Variants in PEX5L observed in about 807,000 individuals in gnomAD.
The protein encoded by PEX5L is PEX5-related protein.
A neutral mutation model predicts 84.0 loss-of-function variants in PEX5L; 30 were observed. The observed-to-expected ratio is 0.36, with a 90% CI of 0.27 to 0.48. The LOEUF (loss-of-function observed/expected upper bound fraction) is 0.48, where lower values mean the gene tolerates loss of function less well. PEX5L is among the 20% of genes least tolerant of loss of function. The probability of loss-of-function intolerance (pLI) is 0.99; values close to 1 mark genes in which losing one functional copy is unlikely to be tolerated. For missense variants in PEX5L, 533 were observed against 754.6 expected (o/e 0.71, Z 3.44); for synonymous variants, 270 against 283.1 (o/e 0.95, Z 0.46).
rs535491711 is a variant in PEX5L at position 179,873,799 on chromosome 3, G to A, written c.726+528C>T. ...ATAACACTTAAAAAACATACGTGAA[G>A]TCCCTGATACTTAGTAGCACTCATA... On this transcript the variant is annotated intron_variant, in intron 7 of 14. Coordinates refer to ENST00000467460, the MANE Select transcript of PEX5L (RefSeq NM_016559.3). 6.6e-5 allele frequency among the ~76,000 whole-genome samples: 10 copies of A among 152,204 alleles called. No individual in the cohort carries two copies. The East Asian group carries it at 1.9e-3, about 29-fold the overall frequency.
chr3:180,024,545 A>C (rs372530464), intron 1 of PEX5L, among the ~76,000 whole-genome samples: 2 of 58,810 alleles, frequency 3.4e-5, no homozygotes, highest in Non-Finnish European at 6.0e-5. Flanking sequence ...ACTCCGTTTC[A>C]AAAAAAAAAA....
At chr3:179,900,839 A>G in intron 2 of PEX5L, 3 of 716,498 alleles carry the variant, frequency 4.2e-6, no homozygotes, top group Admixed American at 4.3e-5. Context: ...TCACTGTTTT[A>G]CAAGTGCGGT....
chr3:179,959,314 G>T (rs894211093), intron 2 of PEX5L, among the ~76,000 whole-genome samples: 1 of 152,146 alleles, frequency 6.6e-6, no homozygotes, highest in Non-Finnish European at 1.5e-5. Context: ...AGGAAATAAC[G>T]CACATCTTAG....
chr3:179,818,030 C>G (rs1726830682), intron 9 of PEX5L, among the ~76,000 whole-genome samples: 1 of 152,130 alleles, frequency 6.6e-6, no homozygotes, highest in Admixed American at 6.5e-5. Context: ...CATTGAGGGA[C>G]AGAGTATTTG....
At chr3:179,934,724 T>C (rs780994883) in intron 2 of PEX5L, among the ~76,000 whole-genome samples, 1 of 152,198 alleles carries the variant, frequency 6.6e-6, no homozygotes, top group Admixed American at 6.5e-5. Context: ...TTTATTACTC[T>C]CCTTGTTTGG....
At chr3:179,971,918 T>C (rs1784862203) in intron 1 of PEX5L, among the ~76,000 whole-genome samples, 1 of 152,180 alleles carries the variant, frequency 6.6e-6, no homozygotes, top group Admixed American at 6.5e-5. Context: ...AATATTCTTA[T>C]GCTTCTCTTT....
In PEX5L at chr3:179,977,893, A is replaced by T. The variant is rs909643917; in HGVS notation, c.22-6228T>A. On this transcript the variant is annotated intron_variant, in intron 1 of 14. Coordinates refer to ENST00000467460, the MANE Select transcript of PEX5L (RefSeq NM_016559.3). The stretch of plus-strand genomic sequence containing the variant: ...TTTTCCCCCCTCTCTAACTGTGATC[A>T]TGCTACGGTAAAAGAGAGTGGCCAC... Among the ~76,000 whole-genome samples the T allele has an allele frequency of 4.6e-5, 7 of 152,178 alleles. No homozygotes were observed. The East Asian group carries it at 1.3e-3, about 29-fold the overall frequency.
chr3:179,805,636 C>T (rs1478531302), intron 14 of PEX5L, among the ~76,000 whole-genome samples: 1 of 152,176 alleles, frequency 6.6e-6, no homozygotes, highest in East Asian at 1.9e-4. Flanking sequence ...TGTACAGTAA[C>T]ATCCCATGCA....
intron 2 of PEX5L, among the ~76,000 whole-genome samples, chr3:179,947,304 AATT>A (rs1405661759): frequency 2.0e-5 from 3 of 152,102 alleles, no homozygotes; most frequent in East Asian, 3.8e-4. Context: ...ATTGAATAAA[AATT>A]ATATTTTTAT....
chr3:179,860,452 GC>G (rs1745659981), intron 7 of PEX5L, among the ~76,000 whole-genome samples: 1 of 152,240 alleles, frequency 6.6e-6, no homozygotes, highest in Admixed American at 6.5e-5. Context: ...ACTTGAACAG[GC>G]CTGGGCCCCA....
chr3:180,013,633 G>A (rs552779739), intron 1 of PEX5L, among the ~76,000 whole-genome samples: 1 of 152,250 alleles, frequency 6.6e-6, no homozygotes, highest in South Asian at 2.1e-4. Context: ...GAGGACTGAA[G>A]TTTGTATGTG....
Position 179,809,562 on chromosome 3 carries a change from T to C in PEX5L, c.1261A>G (p.Ile421Val). ...QDACDALKNW[I>V]KQNPKYKYLV... is the part of the protein sequence containing the mutation. The stretch of plus-strand genomic sequence containing the variant: ...TATTTGTACTTTGGATTTTGCTTAA[T>C]CCAATTCTTCAGAGCGTCACAGGCA... Residue 421 changes from isoleucine (I) to valine (V), a missense_variant, in exon 12 of 15, where the codon ATT (isoleucine) becomes GTT (valine). Around this residue, in one of 8 missense-constraint regions of PEX5L, gnomAD observed 63 missense variants for 60.2 expected, o/e 1.05. Coordinates refer to ENST00000467460, the MANE Select transcript of PEX5L (RefSeq NM_016559.3). 6.2e-7 allele frequency: 1 copy of C among 1,614,040 alleles called. No homozygotes were observed. Among genetic ancestry groups the C allele is most frequent in the Non-Finnish European group, 8.5e-7 (1 of 1,179,958 alleles).
intron 1 of PEX5L, among the ~76,000 whole-genome samples, chr3:180,013,855 T>C (rs1415547656): frequency 5.3e-5 from 8 of 152,234 alleles, no homozygotes; most frequent in Non-Finnish European, 1.2e-4. Context: ...TCTACCTTTC[T>C]TTTTGTCCAA....
chr3:179,836,608 C>A (rs1173445101), intron 8 of PEX5L, among the ~76,000 whole-genome samples: 1 of 152,162 alleles, frequency 6.6e-6, no homozygotes, highest in Non-Finnish European at 1.5e-5. Flanking sequence ...ATAAAGTCAA[C>A]TTCTTCTGCA....
intron 3 of PEX5L, among the ~76,000 whole-genome samples, chr3:179,892,765 T>C (rs781408429): frequency 3.3e-5 from 5 of 152,066 alleles, no homozygotes; most frequent in Non-Finnish European, 5.9e-5. Context: ...CTACCAAGAA[T>C]GTTAAGGCTT....
At chr3:179,812,992 G>A (rs970126102) in intron 10 of PEX5L, among the ~76,000 whole-genome samples, 1 of 152,018 alleles carries the variant, frequency 6.6e-6, no homozygotes, top group African/African-American at 2.4e-5. Context: ...CCTCTCATGG[G>A]TTATAATTAC....
chr3:180,023,121 A>G (rs1187371120), intron 1 of PEX5L, among the ~76,000 whole-genome samples: 1 of 152,230 alleles, frequency 6.6e-6, no homozygotes, highest in East Asian at 1.9e-4. Flanking sequence ...AGTGAAAAAC[A>G]GAAGACCCAG....
chr3:180,003,890 T>G (rs1788638794), intron 1 of PEX5L, among the ~76,000 whole-genome samples: 1 of 152,198 alleles, frequency 6.6e-6, no homozygotes, highest in Admixed American at 6.5e-5. Context: ...CAATAGTGAT[T>G]TGAACTTACA....
intron 4 of PEX5L, among the ~76,000 whole-genome samples, chr3:179,886,741 A>G (rs1052429777): frequency 6.6e-6 from 1 of 152,214 alleles, no homozygotes; most frequent in African/African-American, 2.4e-5. Flanking sequence ...CATTTTGGAA[A>G]AATCACGATT....
Sources: allele counts gnomAD v4.1 joint callset (sites outside exome capture counted in the v4.1 genomes callset), GRCh38; gene constraint gnomAD v4.1.1; regional missense constraint gnomAD v4.1.1; transcripts MANE v1.5; gene names NCBI Gene and HGNC (gene_info 2026-07-23, HGNC 2026-07-21).